Variants in TNIK observed in about 807,000 individuals in gnomAD.
TNIK encodes TRAF2 and NCK interacting kinase, also known as TRAF2 and NCK-interacting protein kinase.
In TNIK, 49 loss-of-function variants were observed where a neutral mutation model predicts 191.3. The ratio of observed to expected loss-of-function variants is 0.26; its 90% CI spans 0.20 to 0.32. TNIK has a LOEUF of 0.32. TNIK is among the 10% of genes least tolerant of loss of function. The pLI, the probability that TNIK is intolerant of heterozygous loss-of-function variation, is 1.00. For missense variants in TNIK, 1,155 were observed against 1,702.3 expected (o/e 0.68, Z 5.66); for synonymous variants, 594 against 600.9 (o/e 0.99, Z 0.17).
At chr3:171,242,882 G>C (rs1251449868) in intron 2 of TNIK, among the ~76,000 whole-genome samples, 2 of 152,116 alleles carry the variant, frequency 1.3e-5, no homozygotes, top group East Asian at 3.9e-4. Flanking sequence ...TGTTATTTCT[G>C]TTTTTACATT....
At chr3:171,063,996 T>C (rs1718108212) in intron 32 of TNIK, 32 bp from the exon 33 acceptor site, 1 of 1,598,666 alleles carries the variant, frequency 6.3e-7, no homozygotes, top group East Asian at 2.2e-5. Flanking sequence ...TTAGTTCAAC[T>C]GCATGGTCTT....
At chr3:171,074,942 G>A (rs1053732977) in intron 28 of TNIK, among the ~76,000 whole-genome samples, 5 of 152,214 alleles carry the variant, frequency 3.3e-5, no homozygotes, top group Non-Finnish European at 7.3e-5. Context: ...TACTTTAGAT[G>A]TGTGGATATA....
chr3:171,330,556 G>C (rs1236494769), intron 2 of TNIK, among the ~76,000 whole-genome samples: 1 of 152,120 alleles, frequency 6.6e-6, no homozygotes, highest in Non-Finnish European at 1.5e-5. Context: ...AATAACAAAA[G>C]AGTAGGGGGT....
At chr3:171,402,138 T>A (rs1015594106) in intron 1 of TNIK, among the ~76,000 whole-genome samples, 1 of 152,258 alleles carries the variant, frequency 6.6e-6, no homozygotes, top group African/African-American at 2.4e-5. Context: ...TGACTAACGA[T>A]AACTGGTACC....
intron 1 of TNIK, among the ~76,000 whole-genome samples, chr3:171,412,712 A>C (rs1722564554): frequency 6.6e-6 from 1 of 152,218 alleles, no homozygotes. Context: ...CTGATATCTA[A>C]GTCTAACTCT....
intron 1 of TNIK, among the ~76,000 whole-genome samples, chr3:171,421,002 G>C (rs1464777631): frequency 6.6e-6 from 1 of 152,136 alleles, no homozygotes; most frequent in East Asian, 1.9e-4. Context: ...TCAGATCGTG[G>C]TTGACTGTGA....
chr3:171,320,807 AGCAAAGAGCACT>A (rs1282747170), intron 2 of TNIK, among the ~76,000 whole-genome samples: 1 of 152,246 alleles, frequency 6.6e-6, no homozygotes, highest in Non-Finnish European at 1.5e-5. Context: ...AAGATAGGCA[AGCAAAGAGCACT>A]GTAAAGAGGC....
Position 171,215,052 on chromosome 3 carries a change from G to C in TNIK, c.181-3811C>G, listed in dbSNP as rs145943908. ...TGGGCTTAGCCACATGTCTTGCTTTGGTCAAGGGGACATTAGCAAATCGGA... is the reference window on the plus strand; with the variant it reads ...TGGGCTTAGCCACATGTCTTGCTTTCGTCAAGGGGACATTAGCAAATCGGA... On this transcript the variant is annotated intron_variant, in intron 3 of 32. Transcript: ENST00000436636. Among the ~76,000 whole-genome samples, 410 of 152,168 alleles carry C rather than the reference G, an allele frequency of 2.7e-3. 2 individuals are homozygous for C. Among genetic ancestry groups the C allele is most frequent in the African/African-American group, 9.5e-3 (396 of 41,496 alleles).
intron 2 of TNIK, among the ~76,000 whole-genome samples, chr3:171,368,818 GA>G (rs1410452414): frequency 1.3e-5 from 2 of 152,182 alleles, no homozygotes; most frequent in South Asian, 4.2e-4. Flanking sequence ...TAGGGAAAAT[GA>G]TGGATATTTC....
chr3:171,231,773 A>G (rs1743682140), intron 2 of TNIK, among the ~76,000 whole-genome samples: 1 of 152,184 alleles, frequency 6.6e-6, no homozygotes, highest in African/African-American at 2.4e-5. Context: ...TAAAGAGGTA[A>G]CTTTATAAAA....
At chr3:171,305,009 T>TAAAAAA (rs36069177) in intron 2 of TNIK, among the ~76,000 whole-genome samples, 1 of 77,238 alleles carries the variant, frequency 1.3e-5, no homozygotes, top group Non-Finnish European at 2.9e-5. Flanking sequence ...AAAGTATAAT[T>TAAAAAA]AAAAAAAAAA....
At chr3:171,390,350 A>C (rs1370569351) in intron 1 of TNIK, among the ~76,000 whole-genome samples, 1 of 152,216 alleles carries the variant, frequency 6.6e-6, no homozygotes, top group Admixed American at 6.5e-5. Flanking sequence ...ATGCAGCACA[A>C]GTAGGACTGA....
At chr3:171,280,042 A>G (rs1750242890) in intron 2 of TNIK, among the ~76,000 whole-genome samples, 1 of 152,168 alleles carries the variant, frequency 6.6e-6, no homozygotes, top group Non-Finnish European at 1.5e-5. Context: ...ACTTGAATAC[A>G]ATTAGCCAAG....
chr3:171,343,605 G>C (rs779593230), intron 2 of TNIK, among the ~76,000 whole-genome samples: 1 of 152,184 alleles, frequency 6.6e-6, no homozygotes, highest in Admixed American at 6.5e-5. Flanking sequence ...CTGTTCTGCA[G>C]ATTCTCTGGA....
chr3:171,194,398 C>T, intron 5 of TNIK, 127 bp downstream of exon 5: 1 of 846,956 alleles, frequency 1.2e-6, no homozygotes, highest in Non-Finnish European at 1.9e-6. Flanking sequence ...ATAGGATAAA[C>T]TTTTAAAGGG....
At chr3:171,235,064 C>T (rs994117540) in intron 2 of TNIK, among the ~76,000 whole-genome samples, 24 of 152,030 alleles carry the variant, frequency 1.6e-4, no homozygotes, top group Admixed American at 7.2e-4. Context: ...TATTTTGAGA[C>T]GGAGTCTCAC....
rs1169492125 is a variant in TNIK, at chr3:171,359,110, G to T, written c.123+10510C>A. Among the ~76,000 whole-genome samples, 5 of 152,148 alleles carry T rather than the reference G, an allele frequency of 3.3e-5. No homozygotes were observed. In the East Asian group the frequency reaches 9.7e-4, roughly 29 times the overall value. ...GTATGCTCACTTAAAATGGCTAAGG[G>T]GGTAATTACTGTATGTACGTTCTAC... On this transcript the variant is annotated intron_variant, in intron 2 of 32. Coordinates refer to ENST00000436636, the MANE Select transcript of TNIK (RefSeq NM_015028.4).
intron 7 of TNIK, among the ~76,000 whole-genome samples, chr3:171,183,791 G>C (rs748085363): frequency 3.4e-4 from 51 of 151,788 alleles, no homozygotes; most frequent in African/African-American, 1.1e-3. Context: ...CGTGGTGGCG[G>C]GCGCCTGTAA....
chr3:171,246,663 T>C (rs1052822117), intron 2 of TNIK, among the ~76,000 whole-genome samples: 2 of 152,220 alleles, frequency 1.3e-5, no homozygotes, highest in African/African-American at 4.8e-5. Flanking sequence ...TTGAAAATAT[T>C]TTCAGAGTTC....
Sources: allele counts gnomAD v4.1 joint callset (sites outside exome capture counted in the v4.1 genomes callset), GRCh38; gene constraint gnomAD v4.1.1; transcripts MANE v1.5; gene names NCBI Gene and HGNC (gene_info 2026-07-23, HGNC 2026-07-21).